EPRS1: variants seen among roughly 807,000 people sequenced by gnomAD.
The protein encoded by EPRS1 is glutamyl-prolyl-tRNA synthetase 1.
Under a neutral mutation model 188.3 loss-of-function variants are expected in EPRS1, and 107 were observed. The ratio of observed to expected loss-of-function variants is 0.57; its 90% confidence interval spans 0.49 to 0.67. The LOEUF (loss-of-function observed/expected upper bound fraction) is 0.67. Among genes scored for constraint, EPRS1 ranks in the 30% least tolerant of loss-of-function variants. EPRS1 has a pLI of 0.00. For synonymous variants in EPRS1, 596 were observed against 593.1 expected (o/e 1.00, Z -0.07); for missense variants, 1,577 against 1,802.2 (o/e 0.88, Z 2.26).
chr1:219,985,891 A>C (rs1358449226), intron 20 of EPRS1, among the ~76,000 whole-genome samples: 1 of 152,176 alleles, frequency 6.6e-6, no homozygotes, highest in Non-Finnish European at 1.5e-5. Flanking sequence ...ATTTTAATGT[A>C]TTTGCATTTG....
At chr1:220,030,179 A>T (rs1662058478) in intron 6 of EPRS1, among the ~76,000 whole-genome samples, 1 of 152,234 alleles carries the variant, frequency 6.6e-6, no homozygotes, top group African/African-American at 2.4e-5. Context: ...CTCTTTTACT[A>T]AGTTGACAAA....
At chr1:220,030,292 TTATTAACCTATTAATACTTTAAG>T in intron 6 of EPRS1, 71 bp downstream of exon 6, 1 of 774,274 alleles carries the variant, frequency 1.3e-6, no homozygotes, top group Non-Finnish European at 2.1e-6. Flanking sequence ...TTCTTCTATA[TTATTAACCTATTAATACTTTAAG>T]TATTTAATCA....
chr1:220,010,386 A>G (rs570366103), intron 13 of EPRS1, among the ~76,000 whole-genome samples: 10 of 152,322 alleles, frequency 6.6e-5, no homozygotes, highest in African/African-American at 2.4e-4. Flanking sequence ...TACACAATAA[A>G]AAATAAGCAC....
Position 219,968,718 on chromosome 1 carries a change from A to T in EPRS1, c.*88T>A. ...ATTTTAGAACTTTTACTTTTTAAAA[A>T]ATCATAAAACGGTCTGTATCTGAGA... On this transcript the variant is annotated 3_prime_UTR_variant, in exon 32 of 32. Coordinates refer to ENST00000366923, the MANE Select transcript of EPRS1 (RefSeq NM_004446.3). 1 of 1,324,216 alleles carries T rather than the reference A, an allele frequency of 7.6e-7. No individual in the cohort carries two copies. The highest frequency in any genetic ancestry group is 1.1e-6 in the Non-Finnish European group (1 of 949,054). 82.0% of individuals were successfully genotyped at this position (1,324,216 alleles called of 1,614,324 possible). A position where few individuals can be genotyped will look rare whatever the true frequency, so the allele number is the denominator to read the frequency against.
chr1:220,045,467 G>C (rs1427088256), intron 1 of EPRS1, among the ~76,000 whole-genome samples: 1 of 151,904 alleles, frequency 6.6e-6, no homozygotes, highest in Non-Finnish European at 1.5e-5. Flanking sequence ...AAGCGCCACT[G>C]CACTCCAGCC....
At position 219,972,050 on chromosome 1, in the gene EPRS1, G is replaced by C. The variant is rs763357920; in HGVS notation, c.4323+19C>G. 1 of 1,513,232 alleles carries C rather than the reference G, an allele frequency of 6.6e-7. No homozygotes were observed. The highest frequency in any genetic ancestry group is 9.0e-7 in the Non-Finnish European group (1 of 1,116,248). The allele number at this position is 1,513,232 out of a possible 1,614,324, so 93.7% of individuals were successfully genotyped here. A position where few individuals can be genotyped will look rare whatever the true frequency, so the allele number is the denominator to read the frequency against. On this transcript the variant is annotated intron_variant, in intron 30 of 31. Transcript: ENST00000366923. ...TACTTAAATATTCTTATACTGAAAAGTTTTCCAAACTCTCTGACCTTTCCA... is the reference window on the plus strand; with the variant it reads ...TACTTAAATATTCTTATACTGAAAACTTTTCCAAACTCTCTGACCTTTCCA...
At chr1:220,044,499 C>A (rs1037644085) in intron 1 of EPRS1, among the ~76,000 whole-genome samples, 1 of 151,640 alleles carries the variant, frequency 6.6e-6, no homozygotes, top group East Asian at 1.9e-4. Flanking sequence ...CCAAGGCGGG[C>A]GGACTGCTTG....
intron 18 of EPRS1, among the ~76,000 whole-genome samples, chr1:219,992,239 A>G (rs1326296888): frequency 6.6e-6 from 1 of 152,190 alleles, no homozygotes; most frequent in Non-Finnish European, 1.5e-5. Context: ...AAAATAAAAG[A>G]GCAAAGATTG....
At chr1:220,037,505 C>CA (rs766349279) in intron 2 of EPRS1, among the ~76,000 whole-genome samples, 3,391 of 51,734 alleles carry the variant, frequency 0.066, 89 homozygotes, top group African/African-American at 0.088. Flanking sequence ...ACTCCATCTC[C>CA]AAAAAAAAAA....
chr1:220,028,446 C>T (rs1029455941), intron 6 of EPRS1, among the ~76,000 whole-genome samples: 3 of 118,670 alleles, frequency 2.5e-5, no homozygotes, highest in East Asian at 5.0e-4. Flanking sequence ...ATATCAGAAT[C>T]GCTAAAACAC....
intron 13 of EPRS1, among the ~76,000 whole-genome samples, chr1:220,010,727 G>A (rs181119310): frequency 4.0e-5 from 6 of 151,230 alleles, no homozygotes; most frequent in African/African-American, 7.3e-5. Flanking sequence ...GGAGAATGGC[G>A]TGAACCCGGG....
chr1:220,030,514 C>T, intron 5 of EPRS1, 34 bp from the exon 6 acceptor site: 2 of 1,507,326 alleles, frequency 1.3e-6, no homozygotes, highest in Non-Finnish European at 1.8e-6. Flanking sequence ...AACAAAAAGT[C>T]TTATGGTTAA....
intron 1 of EPRS1, among the ~76,000 whole-genome samples, chr1:220,041,356 C>G (rs1662290717): frequency 6.6e-6 from 1 of 151,946 alleles, no homozygotes; most frequent in Non-Finnish European, 1.5e-5. Flanking sequence ...GAGATACTTT[C>G]ATCCCCATTT....
rs1363073574 is a variant in EPRS1, at chr1:219,987,270, ATTTTCT to A, written c.2904_2909del (p.Lys968_Glu969del). The A allele has an allele frequency of 6.2e-7, 1 of 1,613,462 alleles. No homozygotes were observed. Among genetic ancestry groups the A allele is most frequent in the Non-Finnish European group, 8.5e-7 (1 of 1,179,856 alleles). On this transcript the variant is annotated inframe_deletion, in exon 20 of 32. Coordinates refer to ENST00000366923, the MANE Select transcript of EPRS1 (RefSeq NM_004446.3). The stretch of plus-strand genomic sequence containing the variant: ...GAGGCTTATTCTGCTTTTCAGATTT[ATTTTCT>A]TTTTCTTTCTTCTTCTTATCTTTGT...
chr1:220,041,362 C>T (rs1242808420), intron 1 of EPRS1, among the ~76,000 whole-genome samples: 1 of 152,042 alleles, frequency 6.6e-6, no homozygotes, highest in Non-Finnish European at 1.5e-5. Context: ...CTTTCATCCC[C>T]ATTTTACAGA....
At chr1:219,996,515 G>A (rs1405734108) in intron 18 of EPRS1, among the ~76,000 whole-genome samples, 3 of 152,104 alleles carry the variant, frequency 2.0e-5, no homozygotes, top group Non-Finnish European at 2.9e-5. Flanking sequence ...CAAAGGGCAG[G>A]GCCTAGCAAT....
At chr1:220,035,045 G>A in intron 2 of EPRS1, 32 bp from the exon 3 acceptor site, 1 of 1,040,250 alleles carries the variant, frequency 9.6e-7, no homozygotes, top group Non-Finnish European at 1.4e-6. Context: ...AAATATTACT[G>A]CTGCTCTAGC....
intron 23 of EPRS1, 71 bp downstream of exon 23, chr1:219,982,701 T>C (rs1205494210): frequency 1.6e-6 from 2 of 1,220,362 alleles, no homozygotes; most frequent in Admixed American, 1.8e-5. Flanking sequence ...AAGCAAAAGC[T>C]GAGACTCAAC....
At chr1:219,982,245 AATTTCAGAAAAATC>A in intron 23 of EPRS1, among the ~76,000 whole-genome samples, 1 of 152,322 alleles carries the variant, frequency 6.6e-6, no homozygotes, top group Non-Finnish European at 1.5e-5. Context: ...TACCATACGT[AATTTCAGAAAAATC>A]ATTTAATCTT....
Sources: allele counts gnomAD v4.1 joint callset (sites outside exome capture counted in the v4.1 genomes callset), GRCh38; gene constraint gnomAD v4.1.1; transcripts MANE v1.5; gene names NCBI Gene and HGNC (gene_info 2026-07-23, HGNC 2026-07-21).